FAM53A: variants seen among roughly 807,000 people sequenced by gnomAD.
FAM53A encodes the protein family with sequence similarity 53 member A.
In FAM53A, 28 loss-of-function variants were observed where a neutral mutation model predicts 26.6. That is an observed-to-expected ratio of 1.05 (90% CI 0.78 to 1.45). FAM53A has a LOEUF of 1.45. FAM53A is among the 40% of genes most tolerant of loss of function. FAM53A has a pLI of 0.00. For synonymous variants in FAM53A, 290 were observed against 253.1 expected, an observed-to-expected ratio of 1.15 and a Z score of -1.38; for missense variants, 650 against 575.8, an observed-to-expected ratio of 1.13 and a Z score of -1.32.
the FAM53A span, among the ~76,000 whole-genome samples, chr4:1,606,087 G>A: frequency 6.8e-6 from 1 of 147,252 alleles, no homozygotes; most frequent in East Asian, 2.0e-4. Context: ...CGCCCAGGCT[G>A]GAGTGCAGTG....
chr4:1,680,298 A>T (rs1715331699), intron 1 of FAM53A, among the ~76,000 whole-genome samples: 2 of 137,028 alleles, frequency 1.5e-5, no homozygotes, highest in Admixed American at 1.6e-4. Context: ...CAGCCTGGGC[A>T]ACGAGAGTGA....
chr4:1,588,053 T>A, the FAM53A span, among the ~76,000 whole-genome samples: 1 of 152,232 alleles, frequency 6.6e-6, no homozygotes. Flanking sequence ...AATTTACAGA[T>A]TAATTCAGGG....
At chr4:1,633,170 ACTCATG>A (rs1715688596) in intron 1 of FAM53A, among the ~76,000 whole-genome samples, 1 of 152,190 alleles carries the variant, frequency 6.6e-6, no homozygotes, top group South Asian at 2.1e-4. Context: ...GCATAGGTAC[ACTCATG>A]CTCACACACA....
chr4:1,666,025 C>A (rs1384794309), intron 2 of FAM53A, among the ~76,000 whole-genome samples: 5 of 72,630 alleles, frequency 6.9e-5, no homozygotes, highest in South Asian at 5.9e-4. Context: ...GCACCTGCAC[C>A]CCCTGTATCT....
At chr4:1,637,512 T>C (rs923023158), downstream of FAM53A, among the ~76,000 whole-genome samples, 3 of 152,040 alleles carry the variant, frequency 2.0e-5, no homozygotes, top group African/African-American at 7.2e-5. Context: ...GCCATCCCTC[T>C]CTCATCCCCA....
At chr4:1,654,529 C>T (rs891743143) in intron 4 of FAM53A, among the ~76,000 whole-genome samples, 1 of 152,262 alleles carries the variant, frequency 6.6e-6, no homozygotes, top group Non-Finnish European at 1.5e-5. Context: ...CTGCAACATG[C>T]ACACCCACCA....
the FAM53A span, among the ~76,000 whole-genome samples, chr4:1,595,451 G>A: frequency 6.6e-6 from 1 of 152,236 alleles, no homozygotes; most frequent in Non-Finnish European, 1.5e-5. Flanking sequence ...GGACAGCAGG[G>A]CTGCCCCACC....
rs770461172 is a variant in FAM53A, at chr4:1,655,102, C to T, written c.758G>A (p.Arg253His). 3.1e-5 allele frequency: 49 copies of T among 1,600,774 alleles called. No individual in the cohort carries two copies. The highest frequency in any genetic ancestry group is 1.7e-4 in the Middle Eastern group (1 of 6,006). ...CTGTGAGCGGCACCGGAGCAGCCCA[C>T]GGCGCCCGCCCAGCGCAGGCGTGGA... ...PTSTPALGGRRGLLRCRSQPC... is the reference protein window; with the variant it reads ...PTSTPALGGRHGLLRCRSQPC... Residue 253 changes from arginine (R) to histidine (H), a missense_variant, in exon 4 of 5, where the codon CGT (arginine) becomes CAT (histidine). By Grantham distance (29) the Arg-to-His change is conservative. Coordinates refer to ENST00000308132, the MANE Select transcript of FAM53A (RefSeq NM_001174070.3).
chr4:1,629,186 G>A (rs1715498475), intron 1 of FAM53A, among the ~76,000 whole-genome samples: 1 of 152,054 alleles, frequency 6.6e-6, no homozygotes, highest in African/African-American at 2.4e-5. Context: ...CAGACCCATG[G>A]TGGAGGGAGC....
chr4:1,595,280 C>G, the FAM53A span, among the ~76,000 whole-genome samples: 1 of 152,246 alleles, frequency 6.6e-6, no homozygotes, highest in Non-Finnish European at 1.5e-5. Context: ...AGGAGCCCCA[C>G]CGGCTCCTCT....
At chr4:1,663,205 T>C (rs1003579831) in intron 2 of FAM53A, among the ~76,000 whole-genome samples, 1 of 151,916 alleles carries the variant, frequency 6.6e-6, no homozygotes, top group African/African-American at 2.4e-5. Flanking sequence ...AAAAAAAGAG[T>C]TGGAGAAATT....
At chr4:1,592,668 A>G in the FAM53A span, among the ~76,000 whole-genome samples, 1 of 152,076 alleles carries the variant, frequency 6.6e-6, no homozygotes, top group Admixed American at 6.5e-5. Flanking sequence ...AAGCCTGGGG[A>G]TGGGAGGGCA....
the FAM53A span, among the ~76,000 whole-genome samples, chr4:1,589,971 T>A: frequency 6.6e-6 from 1 of 152,220 alleles, no homozygotes; most frequent in Non-Finnish European, 1.5e-5. Context: ...CCTATTGAGT[T>A]AAATGCTTTG....
intron 1 of FAM53A, among the ~76,000 whole-genome samples, chr4:1,620,619 G>A (rs1714986851): frequency 6.6e-6 from 1 of 151,650 alleles, no homozygotes; most frequent in Non-Finnish European, 1.5e-5. Flanking sequence ...AGTGAGCTGA[G>A]ACTGCGCCAC....
At chr4:1,598,692 C>T in the FAM53A span, among the ~76,000 whole-genome samples, 1 of 152,166 alleles carries the variant, frequency 6.6e-6, no homozygotes, top group East Asian at 1.9e-4. Context: ...AGAAGTGTAT[C>T]TCTTACACTG....
At chr4:1,636,468 G>A (rs1045104930), downstream of FAM53A, among the ~76,000 whole-genome samples, 1 of 152,250 alleles carries the variant, frequency 6.6e-6, no homozygotes, top group Non-Finnish European at 1.5e-5. Flanking sequence ...TAACTTTGTG[G>A]TGTTGCCCCG....
chr4:1,622,228 A>C (rs1249317619), intron 1 of FAM53A, among the ~76,000 whole-genome samples: 2 of 152,158 alleles, frequency 1.3e-5, no homozygotes. Flanking sequence ...TCACATCAGG[A>C]TGCCAGCCTC....
At chr4:1,597,339 C>T in the FAM53A span, among the ~76,000 whole-genome samples, 1 of 152,168 alleles carries the variant, frequency 6.6e-6, no homozygotes, top group East Asian at 1.9e-4. Flanking sequence ...CCCGACACAG[C>T]TTGAGGTGAG....
At chr4:1,647,751 C>A (rs546164285) in intron 4 of FAM53A, among the ~76,000 whole-genome samples, 3 of 152,242 alleles carry the variant, frequency 2.0e-5, no homozygotes, top group Admixed American at 6.5e-5. Flanking sequence ...GAGTGTGCAC[C>A]TGAGTGTGCA....
Sources: allele counts gnomAD v4.1 joint callset (sites outside exome capture counted in the v4.1 genomes callset), GRCh38; gene constraint gnomAD v4.1.1; transcripts MANE v1.5; gene names NCBI Gene and HGNC (gene_info 2026-07-23, HGNC 2026-07-21).